The following ARHGEF28 variants were observed in gnomAD, a reference collection of about 807,000 sequenced individuals.
ARHGEF28 encodes 190 kDa guanine nucleotide exchange factor.
A neutral mutation model predicts 206.6 loss-of-function variants in ARHGEF28; 152 were observed. That is an observed-to-expected ratio of 0.74 (90% CI 0.64 to 0.84). The LOEUF is 0.84. Ranked by LOEUF, ARHGEF28 falls within the 40% of genes least tolerant of loss-of-function variation. ARHGEF28 has a pLI of 0.00. For synonymous variants in ARHGEF28, 763 were observed against 776.4 expected (o/e 0.98, Z 0.29); for missense variants, 2,028 against 2,073.2 (o/e 0.98, Z 0.42).
chr5:73,701,097 A>G (rs16870712), intron 2 of ARHGEF28, among the ~76,000 whole-genome samples: 4,028 of 152,272 alleles, frequency 0.026, 180 homozygotes, highest in African/African-American at 0.092. Flanking sequence ...TATACATAAA[A>G]TCCTGTTTTA....
chr5:73,840,795 C>T (rs564029245), intron 11 of ARHGEF28, 35 bp downstream of exon 11: 5 of 1,568,482 alleles, frequency 3.2e-6, no homozygotes, highest in Admixed American at 3.8e-5. Context: ...AACTGTAGAA[C>T]ATCAAAGAAC....
intron 4 of ARHGEF28, among the ~76,000 whole-genome samples, chr5:73,758,866 C>A (rs1752454263): frequency 6.6e-6 from 1 of 152,158 alleles, no homozygotes; most frequent in South Asian, 2.1e-4. Flanking sequence ...ATCTGCAGGG[C>A]AAAAATATTA....
At chr5:73,779,612 CTG>C (rs2112458301) in intron 6 of ARHGEF28, among the ~76,000 whole-genome samples, 2 of 152,274 alleles carry the variant, frequency 1.3e-5, no homozygotes, top group African/African-American at 4.8e-5. Context: ...AGGTGGCTGG[CTG>C]TCTTAGACCT....
At chr5:73,652,124 G>GTGT (rs1554050768) in intron 1 of ARHGEF28, among the ~76,000 whole-genome samples, 1 of 151,652 alleles carries the variant, frequency 6.6e-6, no homozygotes, top group African/African-American at 2.4e-5. Context: ...TCTCTATGTT[G>GTGT]TAACTATTTT....
At chr5:73,776,813 G>A in intron 6 of ARHGEF28, 117 bp downstream of exon 6, 2 of 884,078 alleles carry the variant, frequency 2.3e-6, no homozygotes, top group Middle Eastern at 2.6e-4. Flanking sequence ...TGAAACCTTG[G>A]GGGACATGAA....
chr5:73,824,202 A>T (rs1180031629), intron 9 of ARHGEF28, among the ~76,000 whole-genome samples: 1 of 152,230 alleles, frequency 6.6e-6, no homozygotes, highest in Non-Finnish European at 1.5e-5. Flanking sequence ...AAAGGATTAA[A>T]CAGTAATACT....
chr5:73,745,749 C>T (rs974578776), intron 2 of ARHGEF28, among the ~76,000 whole-genome samples: 5 of 151,940 alleles, frequency 3.3e-5, no homozygotes, highest in African/African-American at 1.2e-4. Context: ...GGTGATATAC[C>T]TTCACTATTT....
chr5:73,650,722 C>T (rs547615913), intron 1 of ARHGEF28, among the ~76,000 whole-genome samples: 1 of 152,080 alleles, frequency 6.6e-6, no homozygotes, highest in East Asian at 1.9e-4. Context: ...AATCTCGGCT[C>T]ACTGCAACCT....
At chr5:73,699,181 G>A (rs757426278) in intron 2 of ARHGEF28, among the ~76,000 whole-genome samples, 1 of 151,840 alleles carries the variant, frequency 6.6e-6, no homozygotes, top group Non-Finnish European at 1.5e-5. Context: ...GTGTGTGTGT[G>A]TATGTGTGTT....
intron 31 of ARHGEF28, chr5:73,901,548 G>T: frequency 4.7e-6 from 1 of 214,818 alleles, no homozygotes; most frequent in Non-Finnish European, 9.4e-6. Flanking sequence ...ATGTGTGTCT[G>T]TGCTCTCTGA....
chr5:73,662,531 A>G (rs1745676097), intron 1 of ARHGEF28, among the ~76,000 whole-genome samples: 1 of 152,250 alleles, frequency 6.6e-6, no homozygotes, highest in Non-Finnish European at 1.5e-5. Flanking sequence ...TAAGGAACTT[A>G]TATATCACAA....
At chr5:73,800,392 A>C (rs1443897104) in intron 9 of ARHGEF28, among the ~76,000 whole-genome samples, 1 of 152,092 alleles carries the variant, frequency 6.6e-6, no homozygotes, top group Admixed American at 6.5e-5. Context: ...TTTCCCTCCA[A>C]ACCCCCTTTT....
At chr5:73,939,373 T>C (rs1742443556) in intron 35 of ARHGEF28, among the ~76,000 whole-genome samples, 1 of 152,198 alleles carries the variant, frequency 6.6e-6, no homozygotes, top group Admixed American at 6.5e-5. Context: ...AGGTACAGCA[T>C]TTAGGATCAG....
At chr5:73,695,863 T>C (rs1748180760) in intron 2 of ARHGEF28, among the ~76,000 whole-genome samples, 2 of 152,212 alleles carry the variant, frequency 1.3e-5, no homozygotes, top group Admixed American at 6.5e-5. Context: ...CTCGCAGCCA[T>C]ATCATTTATC....
At chr5:73,866,108 A>G (rs1202321001) in intron 18 of ARHGEF28, 95 bp downstream of exon 18, 2 of 1,086,074 alleles carry the variant, frequency 1.8e-6, no homozygotes, top group Non-Finnish European at 2.6e-6. Flanking sequence ...TTTCTCATTT[A>G]TCCAGTTATT....
At chr5:73,838,002 G>A (rs996436009) in intron 10 of ARHGEF28, among the ~76,000 whole-genome samples, 3 of 151,978 alleles carry the variant, frequency 2.0e-5, no homozygotes, top group African/African-American at 4.8e-5. Flanking sequence ...GGCCTCCCAA[G>A]TACTGGGATT....
intron 1 of ARHGEF28, among the ~76,000 whole-genome samples, chr5:73,640,023 A>T (rs904767998): frequency 3.1e-4 from 47 of 152,354 alleles, no homozygotes; most frequent in African/African-American, 1.0e-3. Flanking sequence ...AATGAGATGC[A>T]CATACGGGAA....
chr5:73,656,293 C>T (rs1191712005), intron 1 of ARHGEF28, among the ~76,000 whole-genome samples: 1 of 152,204 alleles, frequency 6.6e-6, no homozygotes, highest in Non-Finnish European at 1.5e-5. Context: ...ATCCAGGAGG[C>T]AGCTCGCCAC....
At chr5:73,934,221 ATTC>A (rs1210110857) in intron 35 of ARHGEF28, among the ~76,000 whole-genome samples, 1 of 152,210 alleles carries the variant, frequency 6.6e-6, no homozygotes, top group Non-Finnish European at 1.5e-5. Flanking sequence ...CATTTGAAAT[ATTC>A]TTCTGCCCCT....
Sources: gnomAD v4.1 joint callset for allele counts (sites outside exome capture counted in the v4.1 genomes callset) on GRCh38, gnomAD v4.1.1 for gene constraint, MANE v1.5 for transcripts, NCBI Gene and HGNC (gene_info 2026-07-23, HGNC 2026-07-21) for gene names.